The following LRSAM1 variants were observed in gnomAD, a reference collection of about 807,000 sequenced individuals.
LRSAM1 encodes the protein E3 ubiquitin-protein ligase LRSAM1.
Under a neutral mutation model 118.1 loss-of-function variants are expected in LRSAM1, and 96 were observed. The ratio of observed to expected loss-of-function variants is 0.81; its 90% CI spans 0.69 to 0.96. LRSAM1 has a LOEUF of 0.96. Among genes scored for constraint, LRSAM1 ranks in the 40% least tolerant of loss-of-function variants. The pLI is 0.00. For missense variants in LRSAM1, 804 were observed against 915.5 expected (o/e 0.88, Z 1.57); for synonymous variants, 322 against 364.2 (o/e 0.88, Z 1.32).
In LRSAM1 at chr9:127,454,580, T is replaced by C. The variant is rs1174721396; in HGVS notation, c.53T>C (p.Leu18Pro). Residue 18 changes from leucine to proline, a missense_variant, in exon 3 of 26, where the codon CTG (leucine) becomes CCG (proline). Coordinates refer to ENST00000300417, the MANE Select transcript of LRSAM1 (RefSeq NM_001005373.4). ...RKPSEEARKR[L>P]EYQMCLAKEA... Reference sequence around the variant, plus strand: ...CCCAGTGAGGAGGCTCGGAAACGCCTGGAGTACCAGATGTGTTTGGTGAGG... The same window carrying C: ...CCCAGTGAGGAGGCTCGGAAACGCCCGGAGTACCAGATGTGTTTGGTGAGG... 6.2e-7 allele frequency: 1 copy of C among 1,613,946 alleles called. No individual in the cohort carries two copies.
At chr9:127,470,409 G>C (rs1274792816) in intron 10 of LRSAM1, among the ~76,000 whole-genome samples, 1 of 151,946 alleles carries the variant, frequency 6.6e-6, no homozygotes, top group East Asian at 1.9e-4. Flanking sequence ...AGAATAGCAT[G>C]GGGGAACTGC....
chr9:127,494,504 G>C (rs987111697), intron 21 of LRSAM1, among the ~76,000 whole-genome samples: 9 of 152,248 alleles, frequency 5.9e-5, no homozygotes, highest in African/African-American at 2.2e-4. Context: ...ATCGTTAGGT[G>C]CACAGCATGG....
chr9:127,455,577 T>C lies in LRSAM1; in HGVS notation c.131T>C (p.Ile44Thr). The C allele has an allele frequency of 6.2e-7, 1 of 1,614,152 alleles. No homozygotes were observed. Among genetic ancestry groups the C allele is most frequent in the East Asian group, 2.2e-5 (1 of 44,890 alleles). ...TTACTCTTCTTTATCTTATCTTAGATTCCATTTGGAGCTTTTGCAACATGC... is the reference window on the plus strand; with the variant it reads ...TTACTCTTCTTTATCTTATCTTAGACTCCATTTGGAGCTTTTGCAACATGC... ...LDISKCELSE[I>T]PFGAFATCKV... Residue 44 changes from isoleucine to threonine, a missense_variant and splice_region_variant, in exon 5 of 26, where the codon ATT (isoleucine) becomes ACT (threonine). Ile to Thr is a moderately conservative substitution (Grantham distance 89). Coordinates refer to ENST00000300417, the MANE Select transcript of LRSAM1 (RefSeq NM_001005373.4).
At chr9:127,476,179 A>G (rs533989085) in intron 11 of LRSAM1, among the ~76,000 whole-genome samples, 49 of 152,210 alleles carry the variant, frequency 3.2e-4, no homozygotes, top group Admixed American at 3.1e-3. Context: ...ATGCCCCCCA[A>G]ATGTTTGTCA....
chr9:127,484,795 G>T (rs1260199709), intron 16 of LRSAM1, among the ~76,000 whole-genome samples: 1 of 136,172 alleles, frequency 7.3e-6, no homozygotes, highest in Admixed American at 7.3e-5. Flanking sequence ...TTAATTTTTT[G>T]ATTTTTCTTT....
At chr9:127,472,280 A>G (rs1835199998) in intron 10 of LRSAM1, among the ~76,000 whole-genome samples, 1 of 149,524 alleles carries the variant, frequency 6.7e-6, no homozygotes, top group South Asian at 2.1e-4. Flanking sequence ...TTTTCAATTT[A>G]CCTAAACTAT....
intron 15 of LRSAM1, among the ~76,000 whole-genome samples, 194 bp from the exon 16 acceptor site, chr9:127,482,756 G>C (rs1835586805): frequency 2.0e-5 from 3 of 152,168 alleles, no homozygotes; most frequent in Non-Finnish European, 4.4e-5. Context: ...TTTTACACAA[G>C]ATACTCGAAC....
Position 127,495,964 on chromosome 9 carries a change from G to C in LRSAM1, c.1699G>C (p.Glu567Gln), listed in dbSNP as rs1313770003. 2 of 1,612,614 alleles carry C rather than the reference G, an allele frequency of 1.2e-6. No individual in the cohort carries two copies. Among genetic ancestry groups the C allele is most frequent in the Non-Finnish European group, 8.5e-7 (1 of 1,179,946 alleles). The change falls in exon 23 of 26, where the codon GAA becomes CAA. Residue 567 changes from glutamate to glutamine, a missense_variant and splice_region_variant. Transcript: ENST00000300417. Reference protein sequence around the residue: ...NQKPLSLKLQEEGMERQLVAL... With the variant: ...NQKPLSLKLQQEGMERQLVAL... ...CATGGTACACGTTTCTGTCTTGCAG[G>C]AAGAGGGGATGGAGCGCCAGCTGGT...
intron 8 of LRSAM1, 24 bp downstream of exon 8, chr9:127,461,281 G>T (rs117528271): frequency 1.9e-6 from 3 of 1,600,570 alleles, no homozygotes; most frequent in South Asian, 1.1e-5. Context: ...AGCCGTGTCC[G>T]TGTGACCCTC....
intron 20 of LRSAM1, 64 bp from the exon 21 acceptor site, chr9:127,492,738 G>T: frequency 6.8e-7 from 1 of 1,469,296 alleles, no homozygotes. Flanking sequence ...TCTCCATCCT[G>T]CCACTGCGGG....
At chr9:127,480,120 C>G in intron 14 of LRSAM1, 142 bp downstream of exon 14, 1 of 1,103,628 alleles carries the variant, frequency 9.1e-7, no homozygotes, top group Non-Finnish European at 1.4e-6. Context: ...GGTGCTTCAA[C>G]TGGCACCAGC....
chr9:127,457,247 C>T, intron 5 of LRSAM1, 69 bp from the exon 6 acceptor site: 3 of 1,580,630 alleles, frequency 1.9e-6, no homozygotes, highest in Non-Finnish European at 2.6e-6. Context: ...GGGCTGGCTC[C>T]CACGCCCTTA....
Position 127,466,870 on chromosome 9 carries a change from G to T in LRSAM1, c.529-870G>T, listed in dbSNP as rs537081121. On this transcript the variant is annotated intron_variant, in intron 9 of 25. Coordinates refer to ENST00000300417, the MANE Select transcript of LRSAM1 (RefSeq NM_001005373.4). ...AAAAATACAAAAATTAGGCATGGTG[G>T]CATGTGCTTATAGTCCCAGCTACTC... Among the ~76,000 whole-genome samples the T allele has an allele frequency of 4.6e-5, 7 of 152,134 alleles. No individual in the cohort carries two copies. In the South Asian group the frequency reaches 1.5e-3, roughly 32 times the overall value.
In LRSAM1 at chr9:127,459,037, T is replaced by C; in HGVS notation, c.287T>C (p.Leu96Pro). Residue 96 changes from leucine to proline, a missense_variant, in exon 7 of 26, where the codon CTT becomes CCT. Leu to Pro is a moderately conservative substitution (Grantham distance 98). Coordinates refer to ENST00000300417, the MANE Select transcript of LRSAM1 (RefSeq NM_001005373.4). ...LDLHDNQLTA[L>P]PDDLGQLTAL... ...CTCCACGATAATCAGCTGACAGCCC[T>C]TCCTGACGATCTGGGGCAGCTGACT... 1 of 1,613,842 alleles carries C rather than the reference T, an allele frequency of 6.2e-7. No homozygotes were observed. Among genetic ancestry groups the C allele is most frequent in the Non-Finnish European group, 8.5e-7 (1 of 1,180,012 alleles).
chr9:127,489,438 T>A lies in LRSAM1; in HGVS notation c.1348-6T>A, dbSNP rs200130803. On this transcript the variant is annotated splice_polypyrimidine_tract_variant and splice_region_variant and intron_variant, in intron 18 of 25. Coordinates refer to ENST00000300417, the MANE Select transcript of LRSAM1 (RefSeq NM_001005373.4). The stretch of plus-strand genomic sequence containing the variant: ...CCCTGCTGAGGGCTGGTGGTCTGTG[T>A]TGCAGAGCGCGATGCAGAAGGCTGC... The A allele has an allele frequency of 3.1e-6, 5 of 1,605,086 alleles. No homozygotes were observed. The highest frequency in any genetic ancestry group is 4.2e-6 in the Non-Finnish European group (5 of 1,176,778).
chr9:127,487,542 G>C lies in LRSAM1; in HGVS notation c.1260-134G>C, dbSNP rs960546071. ...AGTGTCTGTGGCCCACCCAGGGCCC[G>C]GCTCCCAGCAGGTACTCCATGAATG... On this transcript the variant is annotated intron_variant, in intron 17 of 25. Coordinates refer to ENST00000300417, the MANE Select transcript of LRSAM1 (RefSeq NM_001005373.4). 5.1e-6 allele frequency: 4 copies of C among 785,836 alleles called. No individual in the cohort carries two copies. The Admixed American group carries it at 8.2e-5, about 16-fold the overall frequency. The allele number at this position is 785,836 out of a possible 1,614,324, so 48.7% of individuals were successfully genotyped here.
At chr9:127,489,145 G>A (rs1835836280) in intron 18 of LRSAM1, among the ~76,000 whole-genome samples, 1 of 152,172 alleles carries the variant, frequency 6.6e-6, no homozygotes, top group African/African-American at 2.4e-5. Context: ...CAGCGCCGCT[G>A]ATTCATGCCT....
At chr9:127,467,963 G>A (rs1389612873) in intron 10 of LRSAM1, 133 bp downstream of exon 10, 1 of 848,798 alleles carries the variant, frequency 1.2e-6, no homozygotes, top group South Asian at 1.5e-5. Flanking sequence ...TTCGAGGTCT[G>A]GCAAGGGAAA....
At chr9:127,476,309 A>G (rs1246290649) in intron 11 of LRSAM1, among the ~76,000 whole-genome samples, 1 of 152,118 alleles carries the variant, frequency 6.6e-6, no homozygotes, top group Non-Finnish European at 1.5e-5. Flanking sequence ...GGGCTAGTCT[A>G]TTTCCATTCT....
Sources: allele counts gnomAD v4.1 joint callset (sites outside exome capture counted in the v4.1 genomes callset), GRCh38; gene constraint gnomAD v4.1.1; transcripts MANE v1.5; gene names NCBI Gene and HGNC (gene_info 2026-07-23, HGNC 2026-07-21).